The following MSRA variants were observed in gnomAD, a reference collection of about 807,000 sequenced individuals.
MSRA encodes methionine sulfoxide reductase A.
Under a neutral mutation model 31.3 loss-of-function variants are expected in MSRA, and 54 were observed. That is an observed-to-expected ratio of 1.73 (90% CI 1.39 to 2.17). The LOEUF is 2.17. MSRA is among the 30% of genes most tolerant of loss of function. The probability of loss-of-function intolerance (pLI) is 0.00; values close to 1 mark genes in which losing one functional copy is unlikely to be tolerated. For synonymous variants in MSRA, 169 were observed against 116.5 expected, an observed-to-expected ratio of 1.45 and a Z score of -2.90; for missense variants, 507 against 300.9, an observed-to-expected ratio of 1.69 and a Z score of -5.07.
At chr8:10,334,161 T>C (rs887039330) in intron 5 of MSRA, among the ~76,000 whole-genome samples, 2 of 143,966 alleles carry the variant, frequency 1.4e-5, no homozygotes, top group East Asian at 2.0e-4. Context: ...AACTAACATA[T>C]AGGGGTGTGT....
At position 10,293,634 on chromosome 8, in the gene MSRA, C is replaced by T. The variant is rs980367610; in HGVS notation, c.332-7900C>T. On this transcript the variant is annotated intron_variant, in intron 3 of 5. Coordinates refer to ENST00000317173, the MANE Select transcript of MSRA (RefSeq NM_012331.5). ...ATCTGGACAGCGAAGAAAGGTCCGACGTGTCTCTGGTTCCCCAACCTCTTC... is the reference window on the plus strand; with the variant it reads ...ATCTGGACAGCGAAGAAAGGTCCGATGTGTCTCTGGTTCCCCAACCTCTTC... Among the ~76,000 whole-genome samples, 11 of 152,308 alleles carry T rather than the reference C, an allele frequency of 7.2e-5. No individual in the cohort carries two copies. The East Asian group carries it at 7.7e-4, about 11-fold the overall frequency.
intron 2 of MSRA, among the ~76,000 whole-genome samples, chr8:10,233,947 C>T (rs1811714018): frequency 6.6e-6 from 1 of 151,974 alleles, no homozygotes; most frequent in South Asian, 2.1e-4. Flanking sequence ...AAGACATTGC[C>T]TACAAAGAAA....
intron 1 of MSRA, among the ~76,000 whole-genome samples, chr8:10,134,470 C>G (rs895750030): frequency 6.6e-6 from 1 of 152,200 alleles, no homozygotes; most frequent in Non-Finnish European, 1.5e-5. Context: ...CGGTGTTGCT[C>G]CCAAACACGG....
intron 4 of MSRA, among the ~76,000 whole-genome samples, chr8:10,311,318 C>T (rs77395369): frequency 0.013 from 1,949 of 152,276 alleles, 34 homozygotes; most frequent in African/African-American, 0.045. Context: ...GGAACCCAGA[C>T]AGGTAAGCAG....
intron 5 of MSRA, among the ~76,000 whole-genome samples, chr8:10,404,591 G>T (rs554286336): frequency 1.3e-3 from 204 of 152,358 alleles, no homozygotes; most frequent in East Asian, 7.7e-3. Flanking sequence ...TGACAGGTGC[G>T]CGGGCTCTCC....
chr8:10,062,525 A>G lies in MSRA; in HGVS notation c.142+7867A>G, dbSNP rs145919330. 5.9e-5 allele frequency among the ~76,000 whole-genome samples: 9 copies of G among 152,326 alleles called. No individual in the cohort carries two copies. The East Asian group carries it at 1.7e-3, about 29-fold the overall frequency. On this transcript the variant is annotated intron_variant, in intron 1 of 5. Coordinates refer to ENST00000317173, the MANE Select transcript of MSRA (RefSeq NM_012331.5). ...AAGCTGATGATAAATACTTGTTGAAAGACTGTAGCATATAACCTGTTGAGT... is the reference window on the plus strand; with the variant it reads ...AAGCTGATGATAAATACTTGTTGAAGGACTGTAGCATATAACCTGTTGAGT...
chr8:10,405,457 A>G (rs1807747035), intron 5 of MSRA, among the ~76,000 whole-genome samples: 1 of 152,232 alleles, frequency 6.6e-6, no homozygotes, highest in Admixed American at 6.5e-5. Context: ...GCTCTCTGCC[A>G]GATTCTTAAA....
At chr8:10,279,629 A>G (rs1483576624) in intron 3 of MSRA, among the ~76,000 whole-genome samples, 1 of 152,192 alleles carries the variant, frequency 6.6e-6, no homozygotes, top group Non-Finnish European at 1.5e-5. Flanking sequence ...CAAAATTGCC[A>G]TTTAAGTAGT....
At position 10,281,800 on chromosome 8, in the gene MSRA, C is replaced by A. The variant is rs116860713; in HGVS notation, c.332-19734C>A. On this transcript the variant is annotated intron_variant, in intron 3 of 5. Coordinates refer to ENST00000317173, the MANE Select transcript of MSRA (RefSeq NM_012331.5). The stretch of plus-strand genomic sequence containing the variant: ...GCCTGCTTTGTAAAGGGGCGCTGAT[C>A]AAGACGAAGGCTATTATCGAGCTGG... Among the ~76,000 whole-genome samples the A allele has an allele frequency of 7.7e-3, 1,178 of 152,298 alleles. 4 individuals carry two copies. The highest frequency in any genetic ancestry group is 0.017 in the Middle Eastern group (5 of 294).
intron 1 of MSRA, among the ~76,000 whole-genome samples, chr8:10,195,226 C>T (rs552974808): frequency 6.6e-6 from 1 of 152,116 alleles, no homozygotes; most frequent in Non-Finnish European, 1.5e-5. Context: ...TGTTAATGTT[C>T]CATGTTAATT....
intron 5 of MSRA, among the ~76,000 whole-genome samples, chr8:10,367,324 C>G (rs564350800): frequency 1.3e-5 from 2 of 152,158 alleles, no homozygotes; most frequent in South Asian, 4.1e-4. Flanking sequence ...GATAATTCTT[C>G]TGCTTTATTA....
At chr8:10,280,021 A>T (rs1214674922) in intron 3 of MSRA, among the ~76,000 whole-genome samples, 1 of 152,226 alleles carries the variant, frequency 6.6e-6, no homozygotes, top group African/African-American at 2.4e-5. Flanking sequence ...ATAGTTATTA[A>T]AGATAGTGCA....
chr8:10,117,138 C>G (rs547038610), intron 1 of MSRA, among the ~76,000 whole-genome samples: 4 of 152,242 alleles, frequency 2.6e-5, no homozygotes, highest in Non-Finnish European at 2.9e-5. Context: ...TCTAGGAGTC[C>G]TCTCCTAAAA....
At chr8:10,240,295 G>A (rs1812295857) in intron 2 of MSRA, among the ~76,000 whole-genome samples, 1 of 152,160 alleles carries the variant, frequency 6.6e-6, no homozygotes, top group Non-Finnish European at 1.5e-5. Context: ...TTGGACATTT[G>A]GTGGTGGCAG....
chr8:10,401,598 C>G (rs920624094), intron 5 of MSRA, among the ~76,000 whole-genome samples: 2 of 152,122 alleles, frequency 1.3e-5, no homozygotes, highest in African/African-American at 4.8e-5. Flanking sequence ...GGGATTCAAA[C>G]CTGTACACCT....
intron 4 of MSRA, among the ~76,000 whole-genome samples, chr8:10,313,057 A>G (rs559350703): frequency 6.6e-6 from 1 of 152,300 alleles, no homozygotes; most frequent in African/African-American, 2.4e-5. Flanking sequence ...TGAAAAATCC[A>G]CTAGATACCT....
intron 1 of MSRA, among the ~76,000 whole-genome samples, chr8:10,094,976 G>T (rs544519853): frequency 2.0e-5 from 3 of 152,080 alleles, no homozygotes; most frequent in Admixed American, 6.6e-5. Context: ...TTTTGAATAG[G>T]TACAGTTTGT....
chr8:10,394,059 C>G lies in MSRA; in HGVS notation c.544-34089C>G, dbSNP rs1188071973. On this transcript the variant is annotated intron_variant, in intron 5 of 5. Transcript: ENST00000317173. ...CATGACCAGTGTTAACTTTGGGTCT[C>G]TAGAGAGCGACAGGAACTATGAGCT... 2.0e-5 allele frequency among the ~76,000 whole-genome samples: 3 copies of G among 152,292 alleles called. 1 individual carries two copies. In the Middle Eastern group the frequency reaches 0.01, roughly 518 times the overall value.
intron 1 of MSRA, among the ~76,000 whole-genome samples, chr8:10,088,200 C>T (rs552072044): frequency 2.0e-4 from 31 of 152,156 alleles, no homozygotes; most frequent in Non-Finnish European, 3.5e-4. Context: ...CATCTGTAAC[C>T]ACCAACTACG....
Sources: allele counts gnomAD v4.1 joint callset (sites outside exome capture counted in the v4.1 genomes callset), GRCh38; gene constraint gnomAD v4.1.1; transcripts MANE v1.5; gene names NCBI Gene and HGNC (gene_info 2026-07-23, HGNC 2026-07-21).